The following FGFR2 variants were observed in gnomAD, a reference collection of about 807,000 sequenced individuals.
FGFR2 encodes the protein fibroblast growth factor receptor 2.
Under a neutral mutation model 95.9 loss-of-function variants are expected in FGFR2, and 19 were observed. That is an observed-to-expected ratio of 0.20 (90% CI 0.14 to 0.29). The LOEUF (loss-of-function observed/expected upper bound fraction) is 0.29. Ranked by LOEUF, FGFR2 falls within the 10% of genes least tolerant of loss-of-function variation. FGFR2 has a pLI of 1.00. For missense variants in FGFR2, 707 were observed against 1,056.9 expected (o/e 0.67, Z 4.59); for synonymous variants, 392 against 393.3 (o/e 1.00, Z 0.04).
Position 121,565,518 on chromosome 10 carries a change from G to A in FGFR2, c.296C>T (p.Pro99Leu), listed in dbSNP as rs1857545105. Residue 99 changes from proline (P) to leucine (L), a missense_variant, in exon 3 of 18, where the codon CCT becomes CTT. Around this residue, in one of 7 missense-constraint regions of FGFR2, gnomAD observed 178 missense variants for 194.1 expected, o/e 0.92. Coordinates refer to ENST00000358487, the MANE Select transcript of FGFR2 (RefSeq NM_000141.5). ...GEYLQIKGAT[P>L]RDSGLYACTA... ...ACAAGCATAGAGGCCGGAGTCTCTA[G>A]GCGTGGCGCCCTTTATCTGCAAGTA... 6.2e-7 allele frequency: 1 copy of A among 1,614,172 alleles called. No homozygotes were observed.
At chr10:121,532,582 T>A (rs1279832110) in intron 6 of FGFR2, among the ~76,000 whole-genome samples, 1 of 152,192 alleles carries the variant, frequency 6.6e-6, no homozygotes, top group Non-Finnish European at 1.5e-5. Flanking sequence ...ACACTCCAGC[T>A]GTGGTTTGAG....
chr10:121,577,187 A>AGAGAGAGAGAGAGAGAGAGAGAGAGAGG (rs1356148129), intron 2 of FGFR2, among the ~76,000 whole-genome samples: 63 of 118,082 alleles, frequency 5.3e-4, no homozygotes, highest in African/African-American at 2.1e-3. Context: ...ATAGAGAGAG[A>AGAGAGAGAGAGAGAGAGAGAGAGAGAGG]GAGAGAGAGA....
chr10:121,504,078 G>GA, intron 9 of FGFR2, 137 bp from the exon 10 acceptor site: 1 of 952,414 alleles, frequency 1.0e-6, no homozygotes, highest in Admixed American at 2.0e-5. Context: ...AACCAAATTA[G>GA]AAAACCACTG....
intron 5 of FGFR2, among the ~76,000 whole-genome samples, chr10:121,545,410 G>A (rs1190719809): frequency 6.6e-6 from 1 of 152,206 alleles, no homozygotes; most frequent in Non-Finnish European, 1.5e-5. Context: ...TGAGGTAGGG[G>A]TAGGGCAAGC....
chr10:121,592,006 T>C (rs973627136), intron 2 of FGFR2, among the ~76,000 whole-genome samples: 4 of 152,184 alleles, frequency 2.6e-5, no homozygotes, highest in African/African-American at 9.7e-5. Flanking sequence ...AAACAAATCC[T>C]CTGGGACCAT....
intron 5 of FGFR2, among the ~76,000 whole-genome samples, chr10:121,539,146 C>A (rs1260488377): frequency 6.6e-6 from 1 of 152,174 alleles, no homozygotes; most frequent in Non-Finnish European, 1.5e-5. Context: ...TTATAGTGAG[C>A]ATTTACTATA....
chr10:121,484,261 TA>T (rs897270568), intron 16 of FGFR2, among the ~76,000 whole-genome samples: 41 of 151,534 alleles, frequency 2.7e-4, no homozygotes, highest in African/African-American at 8.2e-4. Context: ...CTTCCTGAGT[TA>T]AAAAAAAATT....
chr10:121,506,188 C>A (rs1848242469), intron 9 of FGFR2, among the ~76,000 whole-genome samples: 1 of 151,844 alleles, frequency 6.6e-6, no homozygotes. Context: ...GAAACCCTAT[C>A]TCTACTAAAA....
At chr10:121,532,276 G>A (rs553056164) in intron 6 of FGFR2, among the ~76,000 whole-genome samples, 2 of 152,254 alleles carry the variant, frequency 1.3e-5, no homozygotes, top group East Asian at 1.9e-4. Context: ...AACCTAAAAG[G>A]TAATGGTCAG....
intron 2 of FGFR2, among the ~76,000 whole-genome samples, chr10:121,591,286 C>A (rs562812187): frequency 6.6e-6 from 1 of 152,228 alleles, no homozygotes; most frequent in African/African-American, 2.4e-5. Flanking sequence ...AAACAACTTT[C>A]TTCTCAACTG....
At chr10:121,575,413 A>G (rs1185693845) in intron 2 of FGFR2, among the ~76,000 whole-genome samples, 1 of 152,104 alleles carries the variant, frequency 6.6e-6, no homozygotes, top group Non-Finnish European at 1.5e-5. Context: ...GCACAGAGGG[A>G]AGGTTTTCTC....
rs879927285 is a variant in FGFR2, at chr10:121,479,613, G to A, written c.*244C>T. On this transcript the variant is annotated 3_prime_UTR_variant, in exon 18 of 18. Transcript: ENST00000358487. ...TCCACAGCCAGTACGCACGGCAGGT[G>A]AGAGGGGTTACATGGTGGCTTGTGG... 1.7e-5 allele frequency: 27 copies of A among 1,551,764 alleles called. No homozygotes were observed. Among genetic ancestry groups the A allele is most frequent in the Non-Finnish European group, 2.1e-5 (24 of 1,147,000 alleles).
intron 6 of FGFR2, among the ~76,000 whole-genome samples, chr10:121,535,053 C>T (rs1035274031): frequency 1.3e-5 from 2 of 152,144 alleles, no homozygotes; most frequent in African/African-American, 2.4e-5. Flanking sequence ...CAGGTGTCCT[C>T]ACAAGAGGAA....
At chr10:121,568,974 C>G (rs1216287662) in intron 2 of FGFR2, among the ~76,000 whole-genome samples, 2 of 152,120 alleles carry the variant, frequency 1.3e-5, no homozygotes, top group Non-Finnish European at 2.9e-5. Context: ...CCTGCTTAAC[C>G]TTTTGGCCTG....
rs184866444 is a variant in FGFR2, at chr10:121,488,485, G to A, written c.1864-372C>T. The stretch of plus-strand genomic sequence containing the variant: ...GAACCTGGGAGACAGAGGTTGCAGT[G>A]AGCTGAGATCACGCCATTGCACTCC... On this transcript the variant is annotated intron_variant, in intron 13 of 17. Coordinates refer to ENST00000358487, the MANE Select transcript of FGFR2 (RefSeq NM_000141.5). Among the ~76,000 whole-genome samples the A allele has an allele frequency of 2.0e-5, 3 of 146,390 alleles. No individual in the cohort carries two copies. The East Asian group carries it at 6.2e-4, about 30-fold the overall frequency.
chr10:121,586,050 A>T (rs1349749347), intron 2 of FGFR2, among the ~76,000 whole-genome samples: 1 of 152,208 alleles, frequency 6.6e-6, no homozygotes, highest in East Asian at 1.9e-4. Context: ...GCACATACAC[A>T]CACCATAGAT....
intron 4 of FGFR2, among the ~76,000 whole-genome samples, chr10:121,553,189 G>A (rs1855639413): frequency 6.6e-6 from 1 of 152,146 alleles, no homozygotes; most frequent in Admixed American, 6.5e-5. Flanking sequence ...TGGGATTTAG[G>A]TGCACCCATA....
At chr10:121,535,161 A>G (rs939832315) in intron 6 of FGFR2, among the ~76,000 whole-genome samples, 1 of 152,208 alleles carries the variant, frequency 6.6e-6, no homozygotes, top group African/African-American at 2.4e-5. Context: ...GACAGCTACC[A>G]GAAGCTGGGA....
At chr10:121,561,794 A>C (rs894750724) in intron 4 of FGFR2, among the ~76,000 whole-genome samples, 22 of 152,254 alleles carry the variant, frequency 1.4e-4, no homozygotes, top group Admixed American at 1.2e-3. Context: ...AAAGAGATGT[A>C]ATAAAGGACT....
Sources: allele counts gnomAD v4.1 joint callset (sites outside exome capture counted in the v4.1 genomes callset), GRCh38; gene constraint gnomAD v4.1.1; regional missense constraint gnomAD v4.1.1; transcripts MANE v1.5; gene names NCBI Gene and HGNC (gene_info 2026-07-23, HGNC 2026-07-21).